Variants in TTC27 observed in about 807,000 individuals in gnomAD.
TTC27 encodes tetratricopeptide repeat protein 27.
In TTC27, 79 loss-of-function variants were observed where a neutral mutation model predicts 115.9. The observed-to-expected ratio is 0.68, with a 90% CI of 0.57 to 0.82. The LOEUF (loss-of-function observed/expected upper bound fraction) is 0.82. TTC27 is among the 40% of genes least tolerant of loss of function. TTC27 has a pLI of 0.00. For synonymous variants in TTC27, 401 were observed against 356.0 expected, an observed-to-expected ratio of 1.13 and a Z score of -1.42; for missense variants, 1,054 against 993.1, an observed-to-expected ratio of 1.06 and a Z score of -0.82.
rs1443019986 is a variant in TTC27, at chr2:32,775,698, GTACCTT to G, written c.1681-2181_1681-2176del. Among the ~76,000 whole-genome samples the G allele has an allele frequency of 3.3e-5, 5 of 151,938 alleles. No individual in the cohort carries two copies. The East Asian group carries it at 9.6e-4, about 29-fold the overall frequency. ...TCTAAGATGCCATCGGTTGTAAGAA[GTACCTT>G]TAAGTACCACTTTGTATAGAAAAAA... On this transcript the variant is annotated intron_variant, in intron 13 of 19. Transcript: ENST00000317907.
In TTC27 at chr2:32,633,862, A is replaced by G. The variant is rs77790093; in HGVS notation, c.267-14A>G. The G allele has an allele frequency of 8.3e-4, 1,336 of 1,610,664 alleles. 7 individuals carry two copies. In the African/African-American group the frequency reaches 0.012, roughly 15 times the overall value. ...GTAGTTCATATTTATTTCTTTAACC[A>G]TTCTTATATGCAGACAACAGTTGAT... On this transcript the variant is annotated splice_polypyrimidine_tract_variant and intron_variant, in intron 2 of 19. Transcript: ENST00000317907.
rs1356375817 is a variant in TTC27 at position 32,702,018 on chromosome 2, A to AC, written c.1120-789_1120-788insC. ...AGAGTGAGATCCTGTCTCAAAAAAA[A>AC]AAAAAAACAAAAACAAAAAAAACCA... On this transcript the variant is annotated intron_variant, in intron 9 of 19. Transcript: ENST00000317907. Among the ~76,000 whole-genome samples the AC allele has an allele frequency of 1.4e-4, 18 of 125,954 alleles. No individual in the cohort carries two copies. In the East Asian group the frequency reaches 1.7e-3, roughly 12 times the overall value. 82.6% of individuals were successfully genotyped at this position (125,954 alleles called of 152,430 possible).
intron 4 of TTC27, among the ~76,000 whole-genome samples, chr2:32,640,698 T>C (rs184746304): frequency 6.6e-6 from 1 of 152,264 alleles, no homozygotes; most frequent in Admixed American, 6.5e-5. Context: ...AAAATATACC[T>C]TGGGCTGGGC....
intron 19 of TTC27, among the ~76,000 whole-genome samples, chr2:32,817,813 T>C (rs896858174): frequency 6.6e-6 from 1 of 152,202 alleles, no homozygotes; most frequent in Non-Finnish European, 1.5e-5. Context: ...CCCAGCACTT[T>C]GGGAGGCCAA....
chr2:32,722,065 G>A (rs939312639), intron 10 of TTC27, among the ~76,000 whole-genome samples: 5 of 152,284 alleles, frequency 3.3e-5, no homozygotes, highest in African/African-American at 1.2e-4. Context: ...TCACTTTATA[G>A]GAGGGGAAGT....
chr2:32,755,107 G>C (rs1255158492), intron 12 of TTC27, among the ~76,000 whole-genome samples: 1 of 151,788 alleles, frequency 6.6e-6, no homozygotes, highest in Non-Finnish European at 1.5e-5. Flanking sequence ...ATGGGATGGC[G>C]GGCGGGCAGA....
intron 3 of TTC27, among the ~76,000 whole-genome samples, chr2:32,639,293 C>T (rs138815403): frequency 1.5e-3 from 227 of 152,240 alleles, no homozygotes; most frequent in African/African-American, 5.2e-3. Context: ...GATTCTTGCT[C>T]GCTATTGTAT....
At chr2:32,688,820 T>C (rs115716600) in intron 9 of TTC27, among the ~76,000 whole-genome samples, 1,523 of 152,276 alleles carry the variant, frequency 0.01, 14 homozygotes, top group Middle Eastern at 0.024. Flanking sequence ...GAACACAGGT[T>C]GGCATTTTCT....
At chr2:32,633,640 A>G (rs1050669160) in intron 2 of TTC27, among the ~76,000 whole-genome samples, 3 of 152,126 alleles carry the variant, frequency 2.0e-5, no homozygotes, top group Non-Finnish European at 4.4e-5. Flanking sequence ...CTGGGTTCAA[A>G]TGATCCTCCT....
intron 9 of TTC27, among the ~76,000 whole-genome samples, chr2:32,679,490 C>A (rs1379053754): frequency 6.6e-6 from 1 of 152,160 alleles, no homozygotes. Flanking sequence ...AGAAAAGTCA[C>A]AGACGAAGGG....
At chr2:32,647,358 A>G (rs1664903769) in intron 4 of TTC27, among the ~76,000 whole-genome samples, 2 of 152,212 alleles carry the variant, frequency 1.3e-5, no homozygotes, top group Non-Finnish European at 2.9e-5. Context: ...CTGACAGCAG[A>G]TAAGGGACAG....
At chr2:32,713,989 A>C (rs975433311) in intron 10 of TTC27, among the ~76,000 whole-genome samples, 2 of 151,926 alleles carry the variant, frequency 1.3e-5, no homozygotes, top group African/African-American at 4.8e-5. Flanking sequence ...TCCAACATTT[A>C]GCTCCCAATT....
intron 8 of TTC27, among the ~76,000 whole-genome samples, chr2:32,673,764 G>A (rs1354044074): frequency 6.6e-6 from 1 of 152,108 alleles, no homozygotes; most frequent in East Asian, 1.9e-4. Flanking sequence ...GGAAGCCGAA[G>A]CGGATGGATC....
At chr2:32,766,648 GTAA>G (rs1349036629) in intron 13 of TTC27, 2 of 159,318 alleles carry the variant, frequency 1.3e-5, no homozygotes, top group Non-Finnish European at 2.8e-5. Context: ...CATAACAAAT[GTAA>G]TAATAATGAA....
chr2:32,630,276 T>A (rs1664130274), intron 1 of TTC27, among the ~76,000 whole-genome samples: 1 of 152,180 alleles, frequency 6.6e-6, no homozygotes, highest in Non-Finnish European at 1.5e-5. Flanking sequence ...ATGAGGAATA[T>A]TATTTCTGGG....
chr2:32,664,798 C>T (rs1321667837), intron 6 of TTC27, among the ~76,000 whole-genome samples: 2 of 151,634 alleles, frequency 1.3e-5, no homozygotes, highest in East Asian at 1.9e-4. Flanking sequence ...TCTGCATTGC[C>T]CTTTCTTGTA....
chr2:32,790,270 A>T (rs937254179), intron 16 of TTC27, among the ~76,000 whole-genome samples: 6 of 150,592 alleles, frequency 4.0e-5, no homozygotes, highest in South Asian at 2.1e-4. Flanking sequence ...TTGCCATTAA[A>T]TTTTTTTTTT....
intron 10 of TTC27, among the ~76,000 whole-genome samples, chr2:32,715,822 C>G (rs886368142): frequency 8.0e-5 from 12 of 150,596 alleles, no homozygotes; most frequent in African/African-American, 2.9e-4. Flanking sequence ...CACTGAGGCT[C>G]GTACTTGTGT....
intron 9 of TTC27, among the ~76,000 whole-genome samples, chr2:32,695,153 G>C (rs1056663482): frequency 3.3e-5 from 5 of 152,090 alleles, no homozygotes; most frequent in African/African-American, 1.2e-4. Context: ...AACTTTTTCA[G>C]CTTTCCAAAC....
Sources: allele counts gnomAD v4.1 joint callset (sites outside exome capture counted in the v4.1 genomes callset), GRCh38; gene constraint gnomAD v4.1.1; transcripts MANE v1.5; gene names NCBI Gene and HGNC (gene_info 2026-07-23, HGNC 2026-07-21).